ANKRD30A: variants seen among roughly 807,000 people sequenced by gnomAD.
ANKRD30A encodes ankyrin repeat domain 30A, also known as ankyrin repeat domain-containing protein 30A.
In ANKRD30A, 170 loss-of-function variants were observed where a neutral mutation model predicts 166.3. That is an observed-to-expected ratio of 1.02 (90% CI 0.90 to 1.16). The LOEUF is 1.16. ANKRD30A is among the 50% of genes most tolerant of loss of function. The pLI is 0.00. For synonymous variants in ANKRD30A, 564 were observed against 508.9 expected, an observed-to-expected ratio of 1.11 and a Z score of -1.46; for missense variants, 1,630 against 1,518.0, an observed-to-expected ratio of 1.07 and a Z score of -1.23.
chr10:37,154,751 A>G (rs1211989897), intron 13 of ANKRD30A, among the ~76,000 whole-genome samples: 2 of 152,158 alleles, frequency 1.3e-5, no homozygotes, highest in African/African-American at 4.8e-5. Context: ...ATTTTCTATG[A>G]ATGAAAATGG....
chr10:37,201,196 T>G, intron 30 of ANKRD30A, 39 bp from the exon 31 acceptor site: 2 of 1,423,742 alleles, frequency 1.4e-6, no homozygotes, highest in African/African-American at 3.0e-5. Flanking sequence ...TTATTAGGAT[T>G]TTTCCATTGA....
chr10:37,237,415 G>A (rs555684124), downstream of ANKRD30A, among the ~76,000 whole-genome samples: 1 of 152,186 alleles, frequency 6.6e-6, no homozygotes, highest in Non-Finnish European at 1.5e-5. Flanking sequence ...GAGCTAACTT[G>A]CTAAAGAAAG....
In ANKRD30A at chr10:37,171,391, G is replaced by A. The variant is rs1170355963; in HGVS notation, c.2257+1667G>A. 4.7e-5 allele frequency among the ~76,000 whole-genome samples: 7 copies of A among 148,170 alleles called. No homozygotes were observed. In the South Asian group the frequency reaches 1.3e-3, roughly 27 times the overall value. On this transcript the variant is annotated intron_variant, in intron 21 of 35. Coordinates refer to ENST00000361713, the MANE Select transcript of ANKRD30A (RefSeq NM_052997.3). ...TAAAATGAAAATATTTAAAATACACGAATTGGAAAAGTCCTACTTTCCAAT... is the reference window on the plus strand; with the variant it reads ...TAAAATGAAAATATTTAAAATACACAAATTGGAAAAGTCCTACTTTCCAAT...
At chr10:37,194,634 C>T (rs913871187) in intron 27 of ANKRD30A, among the ~76,000 whole-genome samples, 3 of 152,070 alleles carry the variant, frequency 2.0e-5, no homozygotes, top group Non-Finnish European at 4.4e-5. Context: ...CGTGAGGCAC[C>T]GTGCCCGGCC....
At chr10:37,147,935 C>T (rs72787531) in intron 9 of ANKRD30A, among the ~76,000 whole-genome samples, 558 of 107,204 alleles carry the variant, frequency 5.2e-3, no homozygotes, top group South Asian at 8.0e-3. Flanking sequence ...TCCTGTCTTT[C>T]TCACTACTGG....
At chr10:37,258,749 G>A in the ANKRD30A span, among the ~76,000 whole-genome samples, 1 of 151,342 alleles carries the variant, frequency 6.6e-6, no homozygotes, top group Non-Finnish European at 1.5e-5. Context: ...GGATCATGAG[G>A]TCAGGAGATT....
At chr10:37,240,369 G>A in the ANKRD30A span, among the ~76,000 whole-genome samples, 1 of 152,098 alleles carries the variant, frequency 6.6e-6, no homozygotes, top group African/African-American at 2.4e-5. Context: ...AAGGCCAACA[G>A]ACCCAAGACT....
intron 5 of ANKRD30A, among the ~76,000 whole-genome samples, chr10:37,134,995 C>A (rs1188996026): frequency 6.6e-6 from 1 of 152,190 alleles, no homozygotes; most frequent in African/African-American, 2.4e-5. Context: ...CCCTTGTCAT[C>A]TTTCCAAATT....
At chr10:37,141,529 C>T (rs1837106294) in intron 6 of ANKRD30A, among the ~76,000 whole-genome samples, 189 bp from the exon 7 acceptor site, 1 of 138,558 alleles carries the variant, frequency 7.2e-6, no homozygotes, top group African/African-American at 2.7e-5. Flanking sequence ...GCTGAGATCA[C>T]ACCACTGCAC....
At chr10:37,165,628 T>C (rs1194101475) in intron 18 of ANKRD30A, among the ~76,000 whole-genome samples, 1 of 152,042 alleles carries the variant, frequency 6.6e-6, no homozygotes, top group African/African-American at 2.4e-5. Context: ...TTGTTCAGTA[T>C]AGATCTGAAG....
chr10:37,165,090 A>G lies in ANKRD30A; in HGVS notation c.2003-4A>G. ...TGAATGTATCTGTGATTAACCTTTTATAGATGAGATACTCCCATCAGAATC... is the reference window on the plus strand; with the variant it reads ...TGAATGTATCTGTGATTAACCTTTTGTAGATGAGATACTCCCATCAGAATC... On this transcript the variant is annotated splice_polypyrimidine_tract_variant and splice_region_variant and intron_variant, in intron 17 of 35. Transcript: ENST00000361713. The G allele has an allele frequency of 2.5e-6, 4 of 1,606,332 alleles. No individual in the cohort carries two copies. Among genetic ancestry groups the G allele is most frequent in the Non-Finnish European group, 3.4e-6 (4 of 1,173,438 alleles).
chr10:37,260,071 C>A, the ANKRD30A span, among the ~76,000 whole-genome samples: 2 of 150,914 alleles, frequency 1.3e-5, no homozygotes, highest in Non-Finnish European at 3.0e-5. Flanking sequence ...TTATGGATAC[C>A]CGGGGGGTGG....
chr10:37,142,766 T>C (rs1837239322), intron 7 of ANKRD30A, among the ~76,000 whole-genome samples: 1 of 151,812 alleles, frequency 6.6e-6, no homozygotes, highest in South Asian at 2.1e-4. Flanking sequence ...TTTTTTGTAT[T>C]TTTAGTAGAG....
intron 6 of ANKRD30A, among the ~76,000 whole-genome samples, chr10:37,139,233 A>G (rs1224987989): frequency 6.6e-6 from 1 of 152,224 alleles, no homozygotes; most frequent in Non-Finnish European, 1.5e-5. Context: ...TGTCCTGCAG[A>G]TGGTTGAGAC....
rs1487095292 is a variant in ANKRD30A, at chr10:37,216,315, A to G, written c.3004A>G (p.Lys1002Glu). The G allele has an allele frequency of 1.2e-6, 2 of 1,609,000 alleles. No individual in the cohort carries two copies. The highest frequency in any genetic ancestry group is 1.7e-5 in the Admixed American group (1 of 59,592). The part of the protein sequence containing the change: ...MKKKFCVLKK[K>E]LSEAKEIKSQ... ...AAAGAAGTTTTGTGTACTGAAAAAG[A>G]AACTGTCAGAAGCAAAAGAAATAAA... Residue 1002 changes from lysine to glutamate, a missense_variant, in exon 32 of 36, where the codon AAA becomes GAA. Around this residue, in one of 4 missense-constraint regions of ANKRD30A, gnomAD observed 712 missense variants for 629.3 expected, o/e 1.13. Transcript: ENST00000361713.
At chr10:37,194,586 G>T (rs150532165) in intron 27 of ANKRD30A, among the ~76,000 whole-genome samples, 1 of 152,076 alleles carries the variant, frequency 6.6e-6, no homozygotes, top group East Asian at 1.9e-4. Context: ...ACCTTGTGAT[G>T]CGCCCGTCTC....
At chr10:37,152,624 A>G (rs17606024) in intron 12 of ANKRD30A, among the ~76,000 whole-genome samples, 3 of 152,162 alleles carry the variant, frequency 2.0e-5, no homozygotes, top group Non-Finnish European at 4.4e-5. Flanking sequence ...CAGCAGAAAG[A>G]AAAGCATGAG....
chr10:37,257,321 T>G, the ANKRD30A span, among the ~76,000 whole-genome samples: 1 of 142,520 alleles, frequency 7.0e-6, no homozygotes, highest in African/African-American at 2.5e-5. Flanking sequence ...GTCCATCTCT[T>G]TTGTTAATCT....
chr10:37,247,645 G>A, the ANKRD30A span, among the ~76,000 whole-genome samples: 2 of 151,610 alleles, frequency 1.3e-5, no homozygotes, highest in Non-Finnish European at 2.9e-5. Flanking sequence ...GCCGAGGCGG[G>A]CAGATCACAA....
Sources: gnomAD v4.1 joint callset for allele counts (sites outside exome capture counted in the v4.1 genomes callset) on GRCh38, gnomAD v4.1.1 for gene constraint, gnomAD v4.1.1 regional missense constraint, MANE v1.5 for transcripts, NCBI Gene and HGNC (gene_info 2026-07-23, HGNC 2026-07-21) for gene names.